The following GRIP1 variants were observed in gnomAD, a reference collection of about 807,000 sequenced individuals.
GRIP1 encodes glutamate receptor-interacting protein 1.
In GRIP1, 45 loss-of-function variants were observed where a neutral mutation model predicts 129.9. The ratio of observed to expected loss-of-function variants is 0.35; its 90% CI spans 0.27 to 0.44. The LOEUF (loss-of-function observed/expected upper bound fraction) is 0.44. GRIP1 is among the 20% of genes least tolerant of loss of function. GRIP1 has a pLI of 1.00. For missense variants in GRIP1, 1,196 were observed against 1,396.8 expected (o/e 0.86, Z 2.29); for synonymous variants, 530 against 520.8 (o/e 1.02, Z -0.24).
intron 9 of GRIP1, among the ~76,000 whole-genome samples, chr12:66,459,139 A>G (rs916915007): frequency 2.0e-5 from 3 of 152,236 alleles, no homozygotes; most frequent in African/African-American, 7.2e-5. Flanking sequence ...AGCAACTAGA[A>G]CAGTGCCTGG....
chr12:66,606,671 A>G (rs915268625), intron 1 of GRIP1, among the ~76,000 whole-genome samples: 12 of 152,206 alleles, frequency 7.9e-5, no homozygotes, highest in African/African-American at 2.9e-4. Flanking sequence ...GGTTTTAAGA[A>G]AGAATTTGTC....
chr12:66,608,673 A>G (rs998944469), intron 1 of GRIP1, among the ~76,000 whole-genome samples: 2 of 151,970 alleles, frequency 1.3e-5, no homozygotes, highest in African/African-American at 4.8e-5. Context: ...ACCATTTTCA[A>G]CTCACTAGAG....
chr12:66,804,642 G>C (rs2038951308), upstream of GRIP1, among the ~76,000 whole-genome samples: 1 of 152,042 alleles, frequency 6.6e-6, no homozygotes, highest in African/African-American at 2.4e-5. Context: ...GAGAAGGGAG[G>C]GCCGGGGAAA....
intron 1 of GRIP1, among the ~76,000 whole-genome samples, chr12:66,784,539 C>T (rs892792127): frequency 2.6e-5 from 4 of 152,186 alleles, no homozygotes; most frequent in African/African-American, 7.2e-5. Context: ...TGTCCATGCT[C>T]GTAATGACTA....
chr12:66,521,140 C>G (rs963284598), intron 5 of GRIP1, among the ~76,000 whole-genome samples: 1 of 152,186 alleles, frequency 6.6e-6, no homozygotes, highest in Non-Finnish European at 1.5e-5. Flanking sequence ...CTACTACTCA[C>G]TTGAGCACTC....
intron 1 of GRIP1, among the ~76,000 whole-genome samples, chr12:66,868,793 T>C (rs2040246913): frequency 6.6e-6 from 1 of 152,212 alleles, no homozygotes; most frequent in Non-Finnish European, 1.5e-5. Context: ...AATTGACATA[T>C]TGGACATAAA....
chr12:66,971,031 C>T (rs1484378087), intron 1 of GRIP1, among the ~76,000 whole-genome samples: 1 of 152,162 alleles, frequency 6.6e-6, no homozygotes, highest in Non-Finnish European at 1.5e-5. Flanking sequence ...GAGGTAAAAT[C>T]CATGTACGTG....
At chr12:66,541,004 T>G (rs2061763265) in intron 3 of GRIP1, among the ~76,000 whole-genome samples, 1 of 151,788 alleles carries the variant, frequency 6.6e-6, no homozygotes, top group Non-Finnish European at 1.5e-5. Context: ...TTAGTAGAGA[T>G]GGGTTTCACC....
At chr12:67,059,084 A>C (rs1049595566) in intron 1 of GRIP1, among the ~76,000 whole-genome samples, 2 of 152,222 alleles carry the variant, frequency 1.3e-5, no homozygotes, top group African/African-American at 4.8e-5. Context: ...TGCCACATTC[A>C]ACATGGCATT....
At chr12:66,623,396 T>C (rs1440957176) in intron 1 of GRIP1, among the ~76,000 whole-genome samples, 2 of 152,294 alleles carry the variant, frequency 1.3e-5, no homozygotes, top group South Asian at 2.1e-4. Context: ...AGCTTGCCCA[T>C]TGTCACATAG....
chr12:66,935,864 C>G (rs912102621), intron 1 of GRIP1, among the ~76,000 whole-genome samples: 1 of 152,164 alleles, frequency 6.6e-6, no homozygotes, highest in Non-Finnish European at 1.5e-5. Flanking sequence ...GGCCAACACT[C>G]AGTTATTGTT....
chr12:66,423,086 A>G (rs2057864344), intron 14 of GRIP1, among the ~76,000 whole-genome samples: 1 of 152,244 alleles, frequency 6.6e-6, no homozygotes, highest in Non-Finnish European at 1.5e-5. Context: ...TTATATAGAT[A>G]CATGGCTTCT....
chr12:66,865,737 C>A (rs2040194369), intron 1 of GRIP1, among the ~76,000 whole-genome samples: 1 of 151,982 alleles, frequency 6.6e-6, no homozygotes, highest in Non-Finnish European at 1.5e-5. Flanking sequence ...AACAAATAAT[C>A]TTTTCCCCTC....
At chr12:66,376,386 A>G (rs2055786202) in intron 22 of GRIP1, among the ~76,000 whole-genome samples, 1 of 152,202 alleles carries the variant, frequency 6.6e-6, no homozygotes, top group Non-Finnish European at 1.5e-5. Flanking sequence ...GACTTTTGCC[A>G]CTTTATTTTT....
Position 66,955,506 on chromosome 12 carries a change from T to G in GRIP1, c.58+113544A>C, listed in dbSNP as rs1006685160. Among the ~76,000 whole-genome samples the G allele has an allele frequency of 2.3e-4, 4 of 17,382 alleles. No individual in the cohort carries two copies. The East Asian group carries it at 0.013, about 56-fold the overall frequency. 11.4% of individuals were successfully genotyped at this position (17,382 alleles called of 152,430 possible). ...TTATAGTATATATTACTTTTTTGGT[T>G]TTTTTTTTTTTTTTTTTTGAGTCAG... is the stretch of plus-strand genomic sequence containing the variant. On this transcript the variant is annotated intron_variant, in intron 1 of 1. Coordinates refer to the GRIP1 transcript ENST00000643019.
intron 1 of GRIP1, among the ~76,000 whole-genome samples, chr12:67,038,081 T>C (rs1359662047): frequency 3.3e-5 from 5 of 152,224 alleles, no homozygotes; most frequent in Non-Finnish European, 5.9e-5. Context: ...TCTATAACTG[T>C]TGTCTGACTA....
At chr12:66,411,445 C>T (rs750047926) in intron 15 of GRIP1, among the ~76,000 whole-genome samples, 10 of 152,146 alleles carry the variant, frequency 6.6e-5, no homozygotes, top group African/African-American at 1.4e-4. Context: ...ACATCATTAA[C>T]GAAAAGACCC....
intron 2 of GRIP1, among the ~76,000 whole-genome samples, chr12:66,581,382 G>A (rs879517223): frequency 2.1e-4 from 32 of 151,206 alleles, no homozygotes; most frequent in Middle Eastern, 6.8e-3. Context: ...AAAGCTAGCA[G>A]AAGGCAAGAA....
intron 1 of GRIP1, among the ~76,000 whole-genome samples, chr12:66,944,382 T>C (rs572195214): frequency 6.0e-4 from 91 of 152,328 alleles, no homozygotes; most frequent in Non-Finnish European, 1.1e-3. Context: ...AGGCTATATG[T>C]CCTTTTAAGT....
Sources: gnomAD v4.1 joint callset for allele counts (sites outside exome capture counted in the v4.1 genomes callset) on GRCh38, gnomAD v4.1.1 for gene constraint, MANE v1.5 for transcripts, NCBI Gene and HGNC (gene_info 2026-07-23, HGNC 2026-07-21) for gene names.